Variants in GALNT17 observed in about 807,000 individuals in gnomAD.
GALNT17 encodes polypeptide N-acetylgalactosaminyltransferase 17, also known as UDP-GalNAc:polypeptide N-acetylgalactosaminyltransferase-like 3.
A neutral mutation model predicts 63.7 loss-of-function variants in GALNT17; 29 were observed. The observed-to-expected ratio is 0.46, with a 90% CI of 0.34 to 0.62. The LOEUF is 0.62. Ranked by LOEUF, GALNT17 falls within the 20% of genes least tolerant of loss-of-function variation. The pLI, the probability that GALNT17 is intolerant of heterozygous loss-of-function variation, is 0.01. For missense variants in GALNT17, 603 were observed against 799.6 expected (o/e 0.75, Z 2.97); for synonymous variants, 305 against 318.3 (o/e 0.96, Z 0.45).
At chr7:71,339,544 G>C (rs1245798194) in intron 2 of GALNT17, among the ~76,000 whole-genome samples, 1 of 152,124 alleles carries the variant, frequency 6.6e-6, no homozygotes, top group African/African-American at 2.4e-5. Flanking sequence ...AAAAAAAGAA[G>C]CGGGGCATGG....
intron 3 of GALNT17, among the ~76,000 whole-genome samples, chr7:71,393,253 C>T (rs1300591255): frequency 1.3e-5 from 2 of 152,124 alleles, no homozygotes; most frequent in Non-Finnish European, 2.9e-5. Flanking sequence ...GTTCTTCTTA[C>T]ATTAATATTG....
At position 71,350,172 on chromosome 7, in the gene GALNT17, A is replaced by G. The variant is rs570235005; in HGVS notation, c.422+14439A>G. Among the ~76,000 whole-genome samples, 7 of 152,374 alleles carry G rather than the reference A, an allele frequency of 4.6e-5. No individual in the cohort carries two copies. In the East Asian group the frequency reaches 1.3e-3, roughly 29 times the overall value. The stretch of plus-strand genomic sequence containing the variant: ...AGAAAGGAATTTATTTATGATTTCA[A>G]CAAATGTTTTCTAGGGTTTTGTAGA... On this transcript the variant is annotated intron_variant, in intron 2 of 10. Coordinates refer to ENST00000333538, the MANE Select transcript of GALNT17 (RefSeq NM_022479.3).
intron 6 of GALNT17, among the ~76,000 whole-genome samples, chr7:71,607,246 T>C (rs1464604884): frequency 6.6e-6 from 1 of 152,188 alleles, no homozygotes; most frequent in African/African-American, 2.4e-5. Flanking sequence ...ATACTTCTAA[T>C]ACTGCCTGAG....
At chr7:71,339,437 G>A (rs1188180247) in intron 2 of GALNT17, among the ~76,000 whole-genome samples, 3 of 152,102 alleles carry the variant, frequency 2.0e-5, no homozygotes, top group South Asian at 2.1e-4. Flanking sequence ...CTGTAATCCT[G>A]GCACTTTGGG....
intron 1 of GALNT17, among the ~76,000 whole-genome samples, chr7:71,148,903 A>G (rs1585839139): frequency 8.5e-6 from 1 of 117,822 alleles, no homozygotes; most frequent in Middle Eastern, 5.3e-3. Context: ...TGTATACCAT[A>G]GTTAACCATA....
rs1490497418 is a variant in GALNT17 at position 71,196,535 on chromosome 7, A to G, written c.238+63495A>G. Reference sequence around the variant, plus strand: ...TATGTCTCCTCCTACTGAATTATTGACCTGGGGGTGGTCTTGGGGACTCCC... The same window carrying G: ...TATGTCTCCTCCTACTGAATTATTGGCCTGGGGGTGGTCTTGGGGACTCCC... On this transcript the variant is annotated intron_variant, in intron 1 of 10. Transcript: ENST00000333538. 2.6e-5 allele frequency among the ~76,000 whole-genome samples: 4 copies of G among 152,142 alleles called. No individual in the cohort carries two copies. In the East Asian group the frequency reaches 7.7e-4, roughly 29 times the overall value.
chr7:71,144,473 A>G (rs1787977584), intron 1 of GALNT17, among the ~76,000 whole-genome samples: 1 of 152,170 alleles, frequency 6.6e-6, no homozygotes. Flanking sequence ...GGCAGCTTAG[A>G]TGCTAAGAGT....
At chr7:71,446,886 C>A (rs984482032) in intron 5 of GALNT17, among the ~76,000 whole-genome samples, 1 of 152,180 alleles carries the variant, frequency 6.6e-6, no homozygotes, top group African/African-American at 2.4e-5. Context: ...ACCTCTATAT[C>A]TCTAAATAGT....
At chr7:71,294,958 T>A (rs1791051662) in intron 1 of GALNT17, among the ~76,000 whole-genome samples, 1 of 152,190 alleles carries the variant, frequency 6.6e-6, no homozygotes, top group Non-Finnish European at 1.5e-5. Context: ...TTGAAGCTTA[T>A]CTTTTATCAA....
intron 9 of GALNT17, among the ~76,000 whole-genome samples, chr7:71,708,586 G>A (rs1181382795): frequency 6.6e-6 from 1 of 152,192 alleles, no homozygotes; most frequent in Non-Finnish European, 1.5e-5. Flanking sequence ...ATTCAGAGGA[G>A]TACATATATA....
chr7:71,441,016 G>C (rs75079640), intron 5 of GALNT17, among the ~76,000 whole-genome samples: 1 of 121,208 alleles, frequency 8.3e-6, no homozygotes, highest in African/African-American at 2.6e-5. Flanking sequence ...TTTTGTTGTT[G>C]TTCTTTTTTT....
chr7:71,187,787 T>A (rs1788878942), intron 1 of GALNT17, among the ~76,000 whole-genome samples: 1 of 152,112 alleles, frequency 6.6e-6, no homozygotes, highest in South Asian at 2.1e-4. Flanking sequence ...TGGTATTTGG[T>A]TCCATGAGTA....
chr7:71,142,040 G>GTGTA (rs1291585939), intron 1 of GALNT17, among the ~76,000 whole-genome samples: 1 of 146,250 alleles, frequency 6.8e-6, no homozygotes, highest in African/African-American at 2.5e-5. Context: ...GTGTGTGTGT[G>GTGTA]TGTGTGTTTA....
chr7:71,598,220 G>A (rs1789916374), intron 6 of GALNT17, among the ~76,000 whole-genome samples: 1 of 152,148 alleles, frequency 6.6e-6, no homozygotes, highest in South Asian at 2.1e-4. Context: ...GGGATTACAG[G>A]CATGAGCCAC....
intron 2 of GALNT17, among the ~76,000 whole-genome samples, chr7:71,362,289 A>T (rs1404664973): frequency 6.6e-6 from 1 of 152,162 alleles, no homozygotes; most frequent in Non-Finnish European, 1.5e-5. Context: ...TGACTAAATC[A>T]CTTCTTTGTG....
chr7:71,184,339 A>G (rs898929427), intron 1 of GALNT17, among the ~76,000 whole-genome samples: 32 of 152,104 alleles, frequency 2.1e-4, no homozygotes, highest in Admixed American at 7.9e-4. Flanking sequence ...AGTAACCTAA[A>G]TACTCCAACC....
intron 1 of GALNT17, among the ~76,000 whole-genome samples, chr7:71,206,658 G>A (rs542597261): frequency 2.0e-5 from 3 of 152,202 alleles, no homozygotes; most frequent in East Asian, 1.9e-4. Context: ...TTGTCAGGGC[G>A]ACCAAGACGG....
chr7:71,321,922 C>CCTTCCTTCCTTCCCCTCCCTCCCTCCCT (rs1563001220), intron 1 of GALNT17, among the ~76,000 whole-genome samples: 3 of 28,476 alleles, frequency 1.1e-4, no homozygotes, highest in African/African-American at 1.4e-4. Context: ...TTCCTTCCTT[C>CCTTCCTTCCTTCCCCTCCCTCCCTCCCT]CCCTCCCTCC....
At chr7:71,647,999 T>C (rs781326682) in intron 6 of GALNT17, among the ~76,000 whole-genome samples, 19 of 152,144 alleles carry the variant, frequency 1.2e-4, no homozygotes, top group Non-Finnish European at 2.4e-4. Flanking sequence ...GTAACCCCTA[T>C]GCCAACATCA....
Sources: allele counts gnomAD v4.1 joint callset (sites outside exome capture counted in the v4.1 genomes callset), GRCh38; gene constraint gnomAD v4.1.1; transcripts MANE v1.5; gene names NCBI Gene and HGNC (gene_info 2026-07-23, HGNC 2026-07-21).